The following LRRFIP2 variants were observed in gnomAD, a reference collection of about 807,000 sequenced individuals.
The protein encoded by LRRFIP2 is LRR binding FLII interacting protein 2.
LRRFIP2 carries 109 observed loss-of-function variants against 125.9 expected under a neutral mutation model. The observed-to-expected ratio is 0.87, with a 90% CI of 0.74 to 1.01. The LOEUF is 1.01. Among genes scored for constraint, LRRFIP2 ranks in the 50% least tolerant of loss-of-function variants. LRRFIP2 has a pLI of 0.00. For synonymous variants in LRRFIP2, 291 were observed against 293.1 expected (o/e 0.99, Z 0.07); for missense variants, 850 against 862.3 (o/e 0.99, Z 0.18).
At chr3:37,154,807 G>A (rs1006901572) in intron 1 of LRRFIP2, among the ~76,000 whole-genome samples, 1 of 152,196 alleles carries the variant, frequency 6.6e-6, no homozygotes, top group African/African-American at 2.4e-5. Context: ...GAATGTGCAT[G>A]TAGCATCAGT....
chr3:37,171,478 T>G (rs1469730801), intron 1 of LRRFIP2, among the ~76,000 whole-genome samples: 1 of 152,050 alleles, frequency 6.6e-6, no homozygotes, highest in Non-Finnish European at 1.5e-5. Context: ...CTCTCTCATT[T>G]CAAAAAGGCA....
intron 2 of LRRFIP2, among the ~76,000 whole-genome samples, chr3:37,138,526 G>A (rs530841948): frequency 1.3e-5 from 2 of 152,252 alleles, no homozygotes; most frequent in East Asian, 3.9e-4. Context: ...ATTTCTTCAG[G>A]ATGTAGGTAC....
intron 7 of LRRFIP2, among the ~76,000 whole-genome samples, chr3:37,114,671 G>A (rs2094697662): frequency 6.6e-6 from 1 of 151,744 alleles, no homozygotes; most frequent in Non-Finnish European, 1.5e-5. Flanking sequence ...TATAGTACTC[G>A]CTACTCAGAA....
chr3:37,128,307 A>G (rs2095339683), intron 3 of LRRFIP2, among the ~76,000 whole-genome samples: 1 of 152,192 alleles, frequency 6.6e-6, no homozygotes, highest in Non-Finnish European at 1.5e-5. Flanking sequence ...CCTTCATACT[A>G]CTACAACATC....
At chr3:37,156,020 G>A (rs756882703) in intron 1 of LRRFIP2, among the ~76,000 whole-genome samples, 8 of 152,036 alleles carry the variant, frequency 5.3e-5, no homozygotes, top group African/African-American at 1.2e-4. Flanking sequence ...TACAACAGGC[G>A]TACACCACTG....
At chr3:37,097,401 T>C (rs140029039) in intron 15 of LRRFIP2, among the ~76,000 whole-genome samples, 24 of 152,296 alleles carry the variant, frequency 1.6e-4, no homozygotes, top group African/African-American at 5.3e-4. Flanking sequence ...TCTTTCTTCA[T>C]AGCATTTATC....
chr3:37,165,819 A>AAGAAAGAAAG (rs2096471141), intron 1 of LRRFIP2, among the ~76,000 whole-genome samples: 1 of 133,096 alleles, frequency 7.5e-6, no homozygotes, highest in African/African-American at 2.7e-5. Flanking sequence ...GAAAGAAAGA[A>AAGAAAGAAAG]AGAAAGAAAG....
chr3:37,152,685 C>T (rs1027817729), intron 1 of LRRFIP2, among the ~76,000 whole-genome samples: 15 of 152,140 alleles, frequency 9.9e-5, no homozygotes, highest in East Asian at 7.7e-4. Context: ...TCAGGTGATC[C>T]GCCCGCCTCA....
chr3:37,053,984 CACT>C, intron 27 of LRRFIP2, 23 bp from the exon 28 acceptor site: 2 of 1,353,322 alleles, frequency 1.5e-6, no homozygotes, highest in Non-Finnish European at 2.1e-6. Flanking sequence ...AGAATGCAGT[CACT>C]ACATGTGGTC....
chr3:37,065,673 G>T, intron 23 of LRRFIP2, 137 bp downstream of exon 23: 2 of 1,053,610 alleles, frequency 1.9e-6, no homozygotes, highest in Non-Finnish European at 2.9e-6. Flanking sequence ...GTGCCAATGT[G>T]CCCAGATTCT....
chr3:37,058,688 AAAAG>A (rs1409003763), intron 25 of LRRFIP2, 98 bp downstream of exon 25: 6 of 1,299,036 alleles, frequency 4.6e-6, no homozygotes, highest in East Asian at 2.4e-5. Context: ...AAAAAAAAAA[AAAAG>A]AAAAGTGTAT....
chr3:37,087,915 T>G (rs1412829589), intron 18 of LRRFIP2, among the ~76,000 whole-genome samples: 1 of 152,142 alleles, frequency 6.6e-6, no homozygotes, highest in African/African-American at 2.4e-5. Context: ...TCACCGATTT[T>G]CAAAGTGTGG....
At chr3:37,095,617 T>C (rs1406789443) in intron 16 of LRRFIP2, among the ~76,000 whole-genome samples, 1 of 152,142 alleles carries the variant, frequency 6.6e-6, no homozygotes, top group Admixed American at 6.5e-5. Context: ...TATATCTCAT[T>C]AATAATTTTA....
At chr3:37,158,068 G>A (rs536260116) in intron 1 of LRRFIP2, among the ~76,000 whole-genome samples, 5 of 152,194 alleles carry the variant, frequency 3.3e-5, no homozygotes, top group Non-Finnish European at 7.4e-5. Flanking sequence ...GAACATTAAT[G>A]GGCTATATGT....
intron 18 of LRRFIP2, 32 bp from the exon 19 acceptor site, chr3:37,083,838 C>A: frequency 6.6e-7 from 1 of 1,515,522 alleles, no homozygotes. Context: ...AGTCTGATAT[C>A]TAAAATGTTA....
rs556942844 is a variant in LRRFIP2 at position 37,074,449 on chromosome 3, T to C, written c.1371+575A>G. On this transcript the variant is annotated intron_variant, in intron 20 of 27. Transcript: ENST00000336686. ...ATTTAAAGAAAAAAGATGCATGCAATGTAGCAGGCCTGCAAGGATGACTAA... is the reference window on the plus strand; with the variant it reads ...ATTTAAAGAAAAAAGATGCATGCAACGTAGCAGGCCTGCAAGGATGACTAA... 6.6e-5 allele frequency among the ~76,000 whole-genome samples: 10 copies of C among 152,292 alleles called. No individual in the cohort carries two copies. In the South Asian group the frequency reaches 2.1e-3, roughly 32 times the overall value.
intron 15 of LRRFIP2, among the ~76,000 whole-genome samples, chr3:37,097,494 T>C (rs2093783397): frequency 6.6e-6 from 1 of 152,194 alleles, no homozygotes; most frequent in Non-Finnish European, 1.5e-5. Flanking sequence ...GTATGTTCTT[T>C]TCTGTACTCC....
upstream of LRRFIP2, among the ~76,000 whole-genome samples, chr3:37,175,522 C>T (rs1480637306): frequency 6.6e-6 from 1 of 152,200 alleles, no homozygotes; most frequent in Non-Finnish European, 1.5e-5. Flanking sequence ...ACAGGCAGGG[C>T]TGACTGGAGT....
chr3:37,105,429 T>C (rs1310551715), intron 14 of LRRFIP2, 26 bp downstream of exon 14: 1 of 1,601,624 alleles, frequency 6.2e-7, no homozygotes, highest in Non-Finnish European at 8.6e-7. Context: ...ACTCATCTTA[T>C]TTCTTTGCAT....
Sources: allele counts gnomAD v4.1 joint callset (sites outside exome capture counted in the v4.1 genomes callset), GRCh38; gene constraint gnomAD v4.1.1; transcripts MANE v1.5; gene names NCBI Gene and HGNC (gene_info 2026-07-23, HGNC 2026-07-21).